Variants in AGPAT4 observed in about 807,000 individuals in gnomAD.
AGPAT4 encodes 1-acyl-sn-glycerol-3-phosphate acyltransferase delta.
A neutral mutation model predicts 48.0 loss-of-function variants in AGPAT4; 15 were observed. The observed-to-expected ratio is 0.31, with a 90% CI of 0.21 to 0.48. The LOEUF (loss-of-function observed/expected upper bound fraction) is 0.48. AGPAT4 is among the 20% of genes least tolerant of loss of function. AGPAT4 has a pLI of 0.99. For synonymous variants in AGPAT4, 178 were observed against 198.7 expected, an observed-to-expected ratio of 0.90 and a Z score of 0.88; for missense variants, 314 against 482.5, an observed-to-expected ratio of 0.65 and a Z score of 3.27.
Position 161,131,936 on chromosome 6 carries a change from A to G in AGPAT4, c.*4604T>C, listed in dbSNP as rs1472638774. The G allele has an allele frequency of 6.6e-6, 1 of 152,188 alleles. No individual in the cohort carries two copies. Among genetic ancestry groups the G allele is most frequent in the Non-Finnish European group, 1.5e-5 (1 of 68,030 alleles). 9.4% of individuals were successfully genotyped at this position (152,188 alleles called of 1,614,324 possible). A position where few individuals can be genotyped will look rare whatever the true frequency, so the allele number is the denominator to read the frequency against. ...TGGTTTGTGTTTAAATGTACTTGAC[A>G]CTCTGGAAACACTCAACCTAAGCCC... is the stretch of plus-strand genomic sequence containing the variant. On this transcript the variant is annotated 3_prime_UTR_variant, in exon 9 of 9. Transcript: ENST00000320285.
Position 161,243,673 on chromosome 6 carries a change from C to A in AGPAT4, c.-89-11371G>T, listed in dbSNP as rs139020836. 6.6e-6 allele frequency among the ~76,000 whole-genome samples: 1 copy of A among 152,196 alleles called. No individual in the cohort carries two copies. Among genetic ancestry groups the A allele is most frequent in the African/African-American group, 2.4e-5 (1 of 41,448 alleles). On this transcript the variant is annotated intron_variant, in intron 1 of 8. Coordinates refer to ENST00000320285, the MANE Select transcript of AGPAT4 (RefSeq NM_020133.3). The surrounding 1 kb of genome is among the most constrained non-coding windows in gnomAD (Gnocchi z 4.8). Reference sequence around the variant, plus strand: ...AACAGCTGCAGGAAGAACCCTCAGTCGAAGCCCCTGCCTCTCTCCCGGGCT... The same window carrying A: ...AACAGCTGCAGGAAGAACCCTCAGTAGAAGCCCCTGCCTCTCTCCCGGGCT...
In AGPAT4 at chr6:161,196,847, A is replaced by G. The variant is rs1244678710; in HGVS notation, c.179-30430T>C. ...AAAAAAAAAAATGCCAAGGAGAGGA[A>G]AAGCTAGAGGAATGAGTGGTCAACT... On this transcript the variant is annotated intron_variant, in intron 2 of 8. Transcript: ENST00000320285. The surrounding 1 kb of genome is among the most constrained non-coding windows in gnomAD (Gnocchi z 4.3). Among the ~76,000 whole-genome samples, 2 of 151,518 alleles carry G rather than the reference A, an allele frequency of 1.3e-5. No homozygotes were observed. The highest frequency in any genetic ancestry group is 2.9e-5 in the Non-Finnish European group (2 of 67,932).
rs925824041 is a variant in AGPAT4, at chr6:161,143,681, G to T, written c.843+2843C>A. On this transcript the variant is annotated intron_variant, in intron 7 of 8. Coordinates refer to ENST00000320285, the MANE Select transcript of AGPAT4 (RefSeq NM_020133.3). This position sits in a 1 kb window ranked among gnomAD's most constrained non-coding sequence, Gnocchi z 4.7. The stretch of plus-strand genomic sequence containing the variant: ...AACAACACGAGTCCCAAATGCTGAC[G>T]AGCAAGAAATACTGTGCATTTTTCA... 6.6e-6 allele frequency among the ~76,000 whole-genome samples: 1 copy of T among 152,198 alleles called. No individual in the cohort carries two copies. Among genetic ancestry groups the T allele is most frequent in the South Asian group, 2.1e-4 (1 of 4,832 alleles).
Position 161,144,221 on chromosome 6 carries a change from T to G in AGPAT4, c.843+2303A>C, listed in dbSNP as rs772828201. On this transcript the variant is annotated intron_variant, in intron 7 of 8. Transcript: ENST00000320285. This position sits in a 1 kb window ranked among gnomAD's most constrained non-coding sequence, Gnocchi z 6.6. ...GGGCAAAGGGCCAGCCTCCCAGGCC[T>G]GCTCACAGACACATACTGCTTAGAG... 1.5e-5 allele frequency: 8 copies of G among 531,318 alleles called. No individual in the cohort carries two copies. The highest frequency in any genetic ancestry group is 9.7e-5 in the Admixed American group (5 of 51,306). The allele number at this position is 531,318 out of a possible 1,614,324, so 32.9% of individuals were successfully genotyped here.
Position 161,212,978 on chromosome 6 carries a change from T to G in AGPAT4, c.178+19058A>C, listed in dbSNP as rs1327074593. Among the ~76,000 whole-genome samples the G allele has an allele frequency of 2.6e-5, 4 of 152,246 alleles. No homozygotes were observed. The highest frequency in any genetic ancestry group is 7.2e-5 in the African/African-American group (3 of 41,464). On this transcript the variant is annotated intron_variant, in intron 2 of 8. Coordinates refer to ENST00000320285, the MANE Select transcript of AGPAT4 (RefSeq NM_020133.3). This position sits in a 1 kb window ranked among gnomAD's most constrained non-coding sequence, Gnocchi z 6.1. ...GTGCTTTCCTTTAAGGAATCAAACT[T>G]GACTTATGAAGCCAATAAAAACCCC... is the stretch of plus-strand genomic sequence containing the variant.
At position 161,221,971 on chromosome 6, in the gene AGPAT4, T is replaced by C. The variant is rs1036374218; in HGVS notation, c.178+10065A>G. Among the ~76,000 whole-genome samples the C allele has an allele frequency of 3.3e-5, 5 of 152,188 alleles. No homozygotes were observed. Among genetic ancestry groups the C allele is most frequent in the Admixed American group, 2.0e-4 (3 of 15,272 alleles). ...ATTCACAAGCACTGGGCTTTCAACA[T>C]CTTGGAAGGACATAATTCAGGTGTG... On this transcript the variant is annotated intron_variant, in intron 2 of 8. Transcript: ENST00000320285. This position sits in a 1 kb window ranked among gnomAD's most constrained non-coding sequence, Gnocchi z 4.5.
rs1453133309 is a variant in AGPAT4 at position 161,236,215 on chromosome 6, A to T, written c.-89-3913T>A. ...TTCTGAGCATATCAGAGCGCTACTT[A>T]CAGAGTTTCTAAATCAACAGAGAAC... On this transcript the variant is annotated intron_variant, in intron 1 of 8. Coordinates refer to ENST00000320285, the MANE Select transcript of AGPAT4 (RefSeq NM_020133.3). This position sits in a 1 kb window ranked among gnomAD's most constrained non-coding sequence, Gnocchi z 5.0. Among the ~76,000 whole-genome samples, 1 of 152,110 alleles carries T rather than the reference A, an allele frequency of 6.6e-6. No individual in the cohort carries two copies. The highest frequency in any genetic ancestry group is 1.5e-5 in the Non-Finnish European group (1 of 68,024).
rs1213047486 is a variant in AGPAT4 at position 161,177,494 on chromosome 6, A to C, written c.179-11077T>G. Among the ~76,000 whole-genome samples the C allele has an allele frequency of 6.6e-6, 1 of 152,128 alleles. No homozygotes were observed. The highest frequency in any genetic ancestry group is 6.5e-5 in the Admixed American group (1 of 15,278). On this transcript the variant is annotated intron_variant, in intron 2 of 8. Transcript: ENST00000320285. This position sits in a 1 kb window ranked among gnomAD's most constrained non-coding sequence, Gnocchi z 5.0. The stretch of plus-strand genomic sequence containing the variant: ...TCAAGCCATGGTTTTCAGCTCCATC[A>C]GGTCATTTAAGGTCTTCTCTACGCT...
rs1388062631 is a variant in AGPAT4, at chr6:161,140,264, T to C, written c.844-644A>G. 6.6e-6 allele frequency among the ~76,000 whole-genome samples: 1 copy of C among 152,158 alleles called. No individual in the cohort carries two copies. Among genetic ancestry groups the C allele is most frequent in the Non-Finnish European group, 1.5e-5 (1 of 68,018 alleles). ...GTGGCTCTCAGAGGTGACAGCACACTCAGGACTGGGTGTCCAGGGTGACTC... is the reference window on the plus strand; with the variant it reads ...GTGGCTCTCAGAGGTGACAGCACACCCAGGACTGGGTGTCCAGGGTGACTC... On this transcript the variant is annotated intron_variant, in intron 7 of 8. Coordinates refer to ENST00000320285, the MANE Select transcript of AGPAT4 (RefSeq NM_020133.3). The surrounding 1 kb of genome is among the most constrained non-coding windows in gnomAD (Gnocchi z 6.5).
intron 1 of AGPAT4, among the ~76,000 whole-genome samples, chr6:161,263,415 C>A (rs896807394): frequency 2.0e-5 from 3 of 152,132 alleles, no homozygotes; most frequent in Non-Finnish European, 4.4e-5. Flanking sequence ...TGCTTGAATC[C>A]GGGAGGCAGA....
intron 2 of AGPAT4, among the ~76,000 whole-genome samples, chr6:161,181,877 TG>T (rs1388941521): frequency 8.5e-5 from 13 of 152,220 alleles, no homozygotes; most frequent in Admixed American, 7.9e-4. Flanking sequence ...GGACAAAAAT[TG>T]GTTCTTGGAG....
intron 1 of AGPAT4, among the ~76,000 whole-genome samples, chr6:161,258,461 A>C (rs905092789): frequency 1.3e-5 from 2 of 152,224 alleles, no homozygotes; most frequent in East Asian, 3.8e-4. Context: ...GGAAATTTTC[A>C]AATGTATATT....
chr6:161,240,424 C>G lies in AGPAT4; in HGVS notation c.-89-8122G>C, dbSNP rs1376710484. On this transcript the variant is annotated intron_variant, in intron 1 of 8. Transcript: ENST00000320285. This position sits in a 1 kb window ranked among gnomAD's most constrained non-coding sequence, Gnocchi z 5.5. ...AAGGCAAGCTTTTTCCTCTATGCCA[C>G]TGCACTCTTCCTGAACAGTGATTAA... 1.3e-5 allele frequency among the ~76,000 whole-genome samples: 2 copies of G among 152,182 alleles called. No individual in the cohort carries two copies. The highest frequency in any genetic ancestry group is 2.9e-5 in the Non-Finnish European group (2 of 68,034).
rs1463927993 is a variant in AGPAT4, at chr6:161,255,215, G to A, written c.-90+18723C>T. Reference sequence around the variant, plus strand: ...TAATGGCTTGACGTAGGTCCAAAGAGCAAAGGAACTTGGATTTGAAAGTCC... The same window carrying A: ...TAATGGCTTGACGTAGGTCCAAAGAACAAAGGAACTTGGATTTGAAAGTCC... On this transcript the variant is annotated intron_variant, in intron 1 of 8. Coordinates refer to ENST00000320285, the MANE Select transcript of AGPAT4 (RefSeq NM_020133.3). This position sits in a 1 kb window ranked among gnomAD's most constrained non-coding sequence, Gnocchi z 4.7. 2.0e-5 allele frequency among the ~76,000 whole-genome samples: 3 copies of A among 152,168 alleles called. No homozygotes were observed. Among genetic ancestry groups the A allele is most frequent in the Non-Finnish European group, 4.4e-5 (3 of 68,022 alleles).
chr6:161,202,408 A>C lies in AGPAT4; in HGVS notation c.178+29628T>G, dbSNP rs1354208388. ...TGGCTTCCTCTGGATGACAGAGGAC[A>C]GAGGGGAAAAGAGAGAGGAAACCAG... On this transcript the variant is annotated intron_variant, in intron 2 of 8. Transcript: ENST00000320285. The surrounding 1 kb of genome is among the most constrained non-coding windows in gnomAD (Gnocchi z 5.4). Among the ~76,000 whole-genome samples the C allele has an allele frequency of 6.6e-6, 1 of 152,104 alleles. No homozygotes were observed. Among genetic ancestry groups the C allele is most frequent in the South Asian group, 2.1e-4 (1 of 4,816 alleles).
rs1217866849 is a variant in AGPAT4 at position 161,261,481 on chromosome 6, G to C, written c.-90+12457C>G. On this transcript the variant is annotated intron_variant, in intron 1 of 8. Transcript: ENST00000320285. This position sits in a 1 kb window ranked among gnomAD's most constrained non-coding sequence, Gnocchi z 5.3. ...TATCCATAGAATGAATGAACTGAAT[G>C]GTCAGTCACATTCACCACACTGCTC... Among the ~76,000 whole-genome samples, 1 of 152,160 alleles carries C rather than the reference G, an allele frequency of 6.6e-6. No individual in the cohort carries two copies. The highest frequency in any genetic ancestry group is 1.5e-5 in the Non-Finnish European group (1 of 68,040).
chr6:161,204,827 C>T lies in AGPAT4; in HGVS notation c.178+27209G>A, dbSNP rs1781336880. On this transcript the variant is annotated intron_variant, in intron 2 of 8. Transcript: ENST00000320285. This position sits in a 1 kb window ranked among gnomAD's most constrained non-coding sequence, Gnocchi z 4.4. ...ATTTTCAGTGAAGTTATTCCCTTTTCTCCATTGTGCTACTTTGTAATGATT... is the reference window on the plus strand; with the variant it reads ...ATTTTCAGTGAAGTTATTCCCTTTTTTCCATTGTGCTACTTTGTAATGATT... Among the ~76,000 whole-genome samples the T allele has an allele frequency of 6.6e-6, 1 of 152,140 alleles. No homozygotes were observed. The highest frequency in any genetic ancestry group is 2.4e-5 in the African/African-American group (1 of 41,428).
rs796252875 is a variant in AGPAT4 at position 161,142,185 on chromosome 6, T to G, written c.844-2565A>C. Among the ~76,000 whole-genome samples the G allele has an allele frequency of 7.9e-5, 12 of 152,336 alleles. No individual in the cohort carries two copies. Among genetic ancestry groups the G allele is most frequent in the African/African-American group, 2.9e-4 (12 of 41,576 alleles). On this transcript the variant is annotated intron_variant, in intron 7 of 8. Transcript: ENST00000320285. The surrounding 1 kb of genome is among the most constrained non-coding windows in gnomAD (Gnocchi z 6.4). ...ACTTTAAAGTTTTCTTTGTCTGTGG[T>G]TTAAAACACTAAATCTCATCCCCTC... is the stretch of plus-strand genomic sequence containing the variant.
In AGPAT4 at chr6:161,147,636, C is replaced by A. The variant is rs147967343; in HGVS notation, c.768-1037G>T. 6.6e-6 allele frequency among the ~76,000 whole-genome samples: 1 copy of A among 152,174 alleles called. No homozygotes were observed. Among genetic ancestry groups the A allele is most frequent in the African/African-American group, 2.4e-5 (1 of 41,444 alleles). ...AAGTTTTTCACATAATTAGAACTTA[C>A]CCCATAAGCTCCTCCGGAAATATTC... is the stretch of plus-strand genomic sequence containing the variant. On this transcript the variant is annotated intron_variant, in intron 6 of 8. Coordinates refer to ENST00000320285, the MANE Select transcript of AGPAT4 (RefSeq NM_020133.3). This position sits in a 1 kb window ranked among gnomAD's most constrained non-coding sequence, Gnocchi z 4.8.
Sources: gnomAD v4.1 joint callset for allele counts (sites outside exome capture counted in the v4.1 genomes callset) on GRCh38, gnomAD v4.1.1 for gene constraint, Gnocchi (gnomAD v3.1) non-coding constraint, MANE v1.5 for transcripts, NCBI Gene and HGNC (gene_info 2026-07-23, HGNC 2026-07-21) for gene names.